ANKS1B: variants seen among roughly 807,000 people sequenced by gnomAD.
ANKS1B encodes the protein ankyrin repeat and sterile alpha motif domain containing 1B.
Under a neutral mutation model 148.3 loss-of-function variants are expected in ANKS1B, and 36 were observed. That is an observed-to-expected ratio of 0.24 (90% confidence interval 0.19 to 0.32). The LOEUF is 0.32. ANKS1B is among the 10% of genes least tolerant of loss of function. The pLI, the probability that ANKS1B is intolerant of heterozygous loss-of-function variation, is 1.00. For missense variants in ANKS1B, 1,157 were observed against 1,542.6 expected (o/e 0.75, Z 4.19); for synonymous variants, 542 against 560.8 (o/e 0.97, Z 0.47).
rs573499707 is a variant in ANKS1B, at chr12:99,096,615, G to T, written c.2527-11592C>A. Among the ~76,000 whole-genome samples the T allele has an allele frequency of 6.6e-5, 10 of 152,274 alleles. No individual in the cohort carries two copies. In the South Asian group the frequency reaches 2.1e-3, roughly 32 times the overall value. ...TAGGGCCACTAATTGTCCTTGGGTT[G>T]TATATGAAGGGAAAATTTGTATCAG... is the stretch of plus-strand genomic sequence containing the variant. On this transcript the variant is annotated intron_variant, in intron 15 of 26. Coordinates refer to ENST00000683438, the MANE Select transcript of ANKS1B (RefSeq NM_001352186.2).
chr12:99,975,193 T>G (rs2095611128), intron 1 of ANKS1B, among the ~76,000 whole-genome samples: 1 of 152,156 alleles, frequency 6.6e-6, no homozygotes, highest in African/African-American at 2.4e-5. Context: ...CAACATTCTC[T>G]TACGAGCCTG....
At chr12:99,584,198 G>C (rs1245529950) in intron 9 of ANKS1B, among the ~76,000 whole-genome samples, 1 of 152,176 alleles carries the variant, frequency 6.6e-6, no homozygotes, top group East Asian at 1.9e-4. Flanking sequence ...ATTTTATAAA[G>C]TCATGGGCAA....
chr12:99,675,055 G>C (rs899227737), intron 8 of ANKS1B, among the ~76,000 whole-genome samples: 3 of 151,900 alleles, frequency 2.0e-5, no homozygotes, highest in African/African-American at 7.2e-5. Context: ...ATAGCAAGGA[G>C]ATAACATGTT....
chr12:99,228,393 TACAA>T (rs1273621725), intron 14 of ANKS1B, among the ~76,000 whole-genome samples: 1 of 148,266 alleles, frequency 6.7e-6, no homozygotes, highest in Non-Finnish European at 1.5e-5. Context: ...GTTCTTAAAA[TACAA>T]ACAATATTTG....
At chr12:99,854,653 A>T (rs1263280782) in intron 1 of ANKS1B, among the ~76,000 whole-genome samples, 1 of 152,208 alleles carries the variant, frequency 6.6e-6, no homozygotes, top group Non-Finnish European at 1.5e-5. Flanking sequence ...AGGCAAAAGC[A>T]TCAGGTAATC....
chr12:99,122,273 A>C (rs1566229976), intron 15 of ANKS1B, among the ~76,000 whole-genome samples: 1 of 152,234 alleles, frequency 6.6e-6, no homozygotes, highest in African/African-American at 2.4e-5. Context: ...ATATTAATTA[A>C]GAGTATGTTG....
At chr12:99,179,965 T>C (rs2078923336) in intron 14 of ANKS1B, among the ~76,000 whole-genome samples, 1 of 152,210 alleles carries the variant, frequency 6.6e-6, no homozygotes, top group Non-Finnish European at 1.5e-5. Flanking sequence ...GGCTGTAACA[T>C]TCATTTCTAT....
intron 12 of ANKS1B, among the ~76,000 whole-genome samples, chr12:99,395,626 G>A (rs750691132): frequency 2.6e-4 from 40 of 152,072 alleles, no homozygotes; most frequent in Non-Finnish European, 4.9e-4. Flanking sequence ...TAATACTAGA[G>A]TGAACTTTCT....
At chr12:98,919,097 G>A (rs189972922) in intron 17 of ANKS1B, among the ~76,000 whole-genome samples, 7 of 151,664 alleles carry the variant, frequency 4.6e-5, no homozygotes, top group Non-Finnish European at 7.4e-5. Flanking sequence ...TTCTTTTTGC[G>A]GAAAAAAATC....
intron 1 of ANKS1B, among the ~76,000 whole-genome samples, chr12:99,833,172 C>T (rs1356758173): frequency 6.6e-6 from 1 of 152,036 alleles, no homozygotes; most frequent in African/African-American, 2.4e-5. Context: ...AGACAATAAA[C>T]TACAAAGGAA....
intron 25 of ANKS1B, among the ~76,000 whole-genome samples, chr12:98,758,982 T>C (rs1173885027): frequency 4.0e-5 from 6 of 150,772 alleles, no homozygotes; most frequent in African/African-American, 1.5e-4. Flanking sequence ...GGTTTCACTG[T>C]GTTGGCCAGG....
chr12:99,429,805 A>C (rs969058462), intron 11 of ANKS1B, among the ~76,000 whole-genome samples: 4 of 151,786 alleles, frequency 2.6e-5, no homozygotes, highest in South Asian at 2.1e-4. Context: ...CTACTAAAAA[A>C]TACAAAAAAT....
rs2085471023 is a variant in ANKS1B, at chr12:99,840,091, TTTAG to T, written c.135-14706_135-14703del. On this transcript the variant is annotated intron_variant, in intron 1 of 26. Transcript: ENST00000683438. ...TGCCCTCATGGTCTTTACATTCTGA[TTTAG>T]TTAGACAAACAATATACAAATGAAT... is the stretch of plus-strand genomic sequence containing the variant. Among the ~76,000 whole-genome samples, 3 of 152,130 alleles carry T rather than the reference TTTAG, an allele frequency of 2.0e-5. No individual in the cohort carries two copies. The South Asian group carries it at 6.2e-4, about 31-fold the overall frequency.
intron 8 of ANKS1B, among the ~76,000 whole-genome samples, chr12:99,698,974 G>GTA (rs1439798315): frequency 1.1e-5 from 1 of 89,408 alleles, no homozygotes; most frequent in African/African-American, 4.6e-5. Context: ...GTGTGTGTGG[G>GTA]TGTGCACGCA....
intron 14 of ANKS1B, among the ~76,000 whole-genome samples, chr12:99,215,185 G>A (rs1250988054): frequency 6.6e-6 from 1 of 152,198 alleles, no homozygotes; most frequent in Non-Finnish European, 1.5e-5. Flanking sequence ...ATGTGGTGTT[G>A]GGCCTGCAGG....
intron 9 of ANKS1B, among the ~76,000 whole-genome samples, chr12:99,570,195 T>TC (rs1237153099): frequency 1.4e-4 from 22 of 152,148 alleles, no homozygotes; most frequent in Non-Finnish European, 2.9e-5. Flanking sequence ...TCAACATCTT[T>TC]CATCTGCCAG....
At chr12:99,280,886 CACACACACACACATGCACGT>C (rs1267877591) in intron 12 of ANKS1B, among the ~76,000 whole-genome samples, 3 of 151,340 alleles carry the variant, frequency 2.0e-5, no homozygotes, top group South Asian at 2.1e-4. Context: ...CTCTCTCTCT[CACACACACACACATGCACGT>C]ACACACACAC....
downstream of ANKS1B, among the ~76,000 whole-genome samples, chr12:98,743,254 ACTTGAGAAAAATCTTGTGTGT>A (rs1211418833): frequency 1.3e-5 from 2 of 152,330 alleles, no homozygotes; most frequent in South Asian, 2.1e-4. Flanking sequence ...AAGTATTCCA[ACTTGAGAAAAATCTTGTGTGT>A]CTTGAGAAAA....
At chr12:99,717,645 G>A (rs1239956802) in intron 8 of ANKS1B, among the ~76,000 whole-genome samples, 1 of 152,176 alleles carries the variant, frequency 6.6e-6, no homozygotes, top group African/African-American at 2.4e-5. Flanking sequence ...AGATCTTCTC[G>A]GCTTAGTGGC....
Sources: gnomAD v4.1 joint callset for allele counts (sites outside exome capture counted in the v4.1 genomes callset) on GRCh38, gnomAD v4.1.1 for gene constraint, MANE v1.5 for transcripts, NCBI Gene and HGNC (gene_info 2026-07-23, HGNC 2026-07-21) for gene names.